Variants in MED27 observed in about 807,000 individuals in gnomAD.
The protein encoded by MED27 is mediator of RNA polymerase II transcription subunit 27.
Under a neutral mutation model 38.2 loss-of-function variants are expected in MED27, and 30 were observed. That is an observed-to-expected ratio of 0.79 (90% CI 0.59 to 1.07). The LOEUF is 1.07. MED27 is among the 50% of genes least tolerant of loss of function. The pLI is 0.00. For synonymous variants in MED27, 122 were observed against 153.5 expected, an observed-to-expected ratio of 0.79 and a Z score of 1.52; for missense variants, 289 against 397.5, an observed-to-expected ratio of 0.73 and a Z score of 2.32.
chr9:131,951,980 G>C (rs1269688124), intron 3 of MED27, among the ~76,000 whole-genome samples: 1 of 152,114 alleles, frequency 6.6e-6, no homozygotes, highest in African/African-American at 2.4e-5. Context: ...TTCATATTTG[G>C]CATGATCCTG....
chr9:131,965,565 A>T (rs535107653), intron 3 of MED27, among the ~76,000 whole-genome samples: 19 of 152,286 alleles, frequency 1.2e-4, no homozygotes, highest in African/African-American at 4.3e-4. Context: ...CCACAAGGAG[A>T]GGCAGTGATG....
At chr9:131,931,198 T>C (rs907787148) in intron 4 of MED27, among the ~76,000 whole-genome samples, 2 of 152,086 alleles carry the variant, frequency 1.3e-5, no homozygotes, top group Admixed American at 1.3e-4. Context: ...TGAGCCAAGA[T>C]TGTGCCACTG....
At position 132,077,588 on chromosome 9, in the gene MED27, T is replaced by C. The variant is rs1345730379; in HGVS notation, c.204-2A>G. The stretch of plus-strand genomic sequence containing the variant: ...AGATTGCTCAGACGTTCCAGCTCAC[T>C]GAAAAGCAAAGAGACAAGGCAAATA... On this transcript the variant is annotated splice_acceptor_variant, in intron 1 of 7. Transcript: ENST00000292035. LOFTEE classifies it high-confidence loss of function. 6.2e-7 allele frequency: 1 copy of C among 1,614,018 alleles called. No homozygotes were observed. Among genetic ancestry groups the C allele is most frequent in the South Asian group, 1.1e-5 (1 of 91,064 alleles).
intron 3 of MED27, among the ~76,000 whole-genome samples, chr9:131,984,857 C>G (rs1003236019): frequency 3.3e-5 from 5 of 151,974 alleles, no homozygotes; most frequent in African/African-American, 1.2e-4. Flanking sequence ...ACATTCTGTC[C>G]TTATAAAGCT....
At chr9:132,017,232 C>T (rs576631613) in intron 2 of MED27, among the ~76,000 whole-genome samples, 160 of 152,292 alleles carry the variant, frequency 1.1e-3, no homozygotes, top group Non-Finnish European at 1.9e-3. Context: ...AAACTCCATT[C>T]CATGCAACAC....
At chr9:131,951,917 A>C (rs1231670295) in intron 3 of MED27, among the ~76,000 whole-genome samples, 1 of 152,208 alleles carries the variant, frequency 6.6e-6, no homozygotes, top group East Asian at 1.9e-4. Context: ...GTTAGTAAGC[A>C]CAGTTCTTTT....
intron 2 of MED27, among the ~76,000 whole-genome samples, chr9:132,068,166 A>G (rs531392506): frequency 1.6e-4 from 25 of 152,280 alleles, no homozygotes; most frequent in African/African-American, 5.5e-4. Flanking sequence ...CTAACGGTCA[A>G]CAGGTCATGT....
chr9:131,938,722 T>G (rs905584304), intron 4 of MED27, among the ~76,000 whole-genome samples: 2 of 151,804 alleles, frequency 1.3e-5, no homozygotes, highest in Non-Finnish European at 2.9e-5. Context: ...TTTTTTCTTT[T>G]TTTTTTTGAG....
chr9:131,952,091 G>C (rs1403299117), intron 3 of MED27, among the ~76,000 whole-genome samples: 8 of 152,190 alleles, frequency 5.3e-5, no homozygotes, highest in Admixed American at 5.2e-4. Flanking sequence ...ATCCCGCACT[G>C]TGCCCCAGGA....
chr9:132,069,830 G>A (rs930770235), intron 2 of MED27, among the ~76,000 whole-genome samples: 1 of 152,200 alleles, frequency 6.6e-6, no homozygotes, highest in African/African-American at 2.4e-5. Context: ...CTGGCAGGAG[G>A]CCACATAGCA....
intron 3 of MED27, among the ~76,000 whole-genome samples, chr9:131,956,311 G>A (rs1362149862): frequency 6.6e-6 from 1 of 152,172 alleles, no homozygotes; most frequent in East Asian, 1.9e-4. Flanking sequence ...TTTTAGTTTT[G>A]CAAGATGAAG....
intron 2 of MED27, among the ~76,000 whole-genome samples, chr9:132,066,134 C>T (rs763364290): frequency 3.9e-5 from 6 of 152,216 alleles, no homozygotes; most frequent in Non-Finnish European, 7.3e-5. Context: ...CCCTGGAGAA[C>T]GGGGCCAGAC....
chr9:131,881,800 C>CTTTTTTTTTTTTTTTT (rs61624043), intron 6 of MED27, among the ~76,000 whole-genome samples: 123 of 60,974 alleles, frequency 2.0e-3, no homozygotes, highest in Non-Finnish European at 2.5e-3. Flanking sequence ...TCTTCTTCTT[C>CTTTTTTTTTTTTTTTT]TTTTTTTTTT....
Position 131,884,079 on chromosome 9 carries a change from G to C in MED27, c.702C>G (p.Ser234=). ...EDGKLDIWSK[S]NYQVFQKVTD... ...TTACCTTCTGGAATACTTGATAGTT[G>C]GATTTGGACCATATATCAAGCTGAG... is the stretch of plus-strand genomic sequence containing the variant. The change falls in exon 6 of 8, where the codon TCC becomes TCG. Residue 234 remains serine, a synonymous_variant. Coordinates refer to ENST00000292035, the MANE Select transcript of MED27 (RefSeq NM_004269.4). The C allele has an allele frequency of 6.2e-7, 1 of 1,611,106 alleles. No individual in the cohort carries two copies. The highest frequency in any genetic ancestry group is 8.5e-7 in the Non-Finnish European group (1 of 1,178,768).
At chr9:131,865,966 C>G (rs775851909) in intron 6 of MED27, among the ~76,000 whole-genome samples, 57 of 152,174 alleles carry the variant, frequency 3.7e-4, no homozygotes, top group Non-Finnish European at 6.5e-4. Flanking sequence ...ACGTGGCCAC[C>G]AGCTGCAGCA....
intron 6 of MED27, among the ~76,000 whole-genome samples, chr9:131,871,654 A>T (rs1206555968): frequency 1.3e-5 from 2 of 151,990 alleles, no homozygotes; most frequent in East Asian, 3.9e-4. Flanking sequence ...GGCGCAAGTG[A>T]TCCTCCTGCC....
chr9:131,894,659 T>C (rs1353141924), intron 4 of MED27, among the ~76,000 whole-genome samples: 6 of 151,942 alleles, frequency 3.9e-5, no homozygotes, highest in Non-Finnish European at 8.8e-5. Context: ...GTTTCATGTA[T>C]GCCAGGGAAA....
chr9:131,945,806 A>C (rs1830875898), intron 3 of MED27, among the ~76,000 whole-genome samples: 1 of 151,326 alleles, frequency 6.6e-6, no homozygotes, highest in Non-Finnish European at 1.5e-5. Context: ...AAAAAAAAAA[A>C]AAAAAAAAAA....
chr9:131,934,282 A>T (rs2131572915), intron 4 of MED27, among the ~76,000 whole-genome samples: 1 of 152,324 alleles, frequency 6.6e-6, no homozygotes, highest in African/African-American at 2.4e-5. Context: ...AAATGGGATC[A>T]TATCAAGTTA....
Sources: gnomAD v4.1 joint callset for allele counts (sites outside exome capture counted in the v4.1 genomes callset) on GRCh38, gnomAD v4.1.1 for gene constraint, MANE v1.5 for transcripts, NCBI Gene and HGNC (gene_info 2026-07-23, HGNC 2026-07-21) for gene names.